The following CYP2C19 variants were observed in gnomAD, a reference collection of about 807,000 sequenced individuals.
CYP2C19 encodes the protein cytochrome P450 family 2 subfamily C member 19, also known as cytochrome P450 2C19.
A neutral mutation model predicts 40.9 loss-of-function variants in CYP2C19; 59 were observed. That is an observed-to-expected ratio of 1.44 (90% CI 1.17 to 1.79). CYP2C19 has a LOEUF of 1.79. Among genes scored for constraint, CYP2C19 ranks in the 40% most tolerant of loss-of-function variants. The pLI is 0.00. For missense variants in CYP2C19, 754 were observed against 596.9 expected, an observed-to-expected ratio of 1.26 and a Z score of -2.74; for synonymous variants, 253 against 208.7, an observed-to-expected ratio of 1.21 and a Z score of -1.83.
At position 94,775,094 on chromosome 10, in the gene CYP2C19, T is replaced by C; in HGVS notation, c.205T>C (p.Phe69Leu). The change falls in exon 2 of 9, where the codon TTT becomes CTT. Residue 69 changes from phenylalanine to leucine, a missense_variant. Phe to Leu is a conservative substitution (Grantham distance 22, BLOSUM62 0). Coordinates refer to ENST00000371321, the MANE Select transcript of CYP2C19 (RefSeq NM_000769.4). ...CTATGGCCCTGTGTTCACTCTGTAT[T>C]TTGGCCTGGAACGCATGGTGGTGCT... ...KIYGPVFTLYFGLERMVVLHG... is the reference protein window; with the variant it reads ...KIYGPVFTLYLGLERMVVLHG... The C allele has an allele frequency of 6.2e-7, 1 of 1,614,122 alleles. No individual in the cohort carries two copies. The highest frequency in any genetic ancestry group is 8.5e-7 in the Non-Finnish European group (1 of 1,180,026).
chr10:94,800,944 A>G (rs1848755678), intron 5 of CYP2C19, among the ~76,000 whole-genome samples: 1 of 152,160 alleles, frequency 6.6e-6, no homozygotes, highest in African/African-American at 2.4e-5. Context: ...CTTCACTAAG[A>G]AAGGGAAATC....
At chr10:94,838,784 G>A (rs1849445457) in intron 6 of CYP2C19, among the ~76,000 whole-genome samples, 1 of 152,040 alleles carries the variant, frequency 6.6e-6, no homozygotes, top group Non-Finnish European at 1.5e-5. Flanking sequence ...AAAGAAAGTT[G>A]TACATATGGC....
At chr10:94,774,322 T>C (rs1263767060) in intron 1 of CYP2C19, 2 of 152,148 alleles carry the variant, frequency 1.3e-5, no homozygotes, top group Non-Finnish European at 2.9e-5. Flanking sequence ...GAATAAGTAA[T>C]GAGTGATTTT....
chr10:94,773,286 C>T lies in CYP2C19; in HGVS notation c.169-1772C>T, dbSNP rs546790581. Among the ~76,000 whole-genome samples, 25 of 152,246 alleles carry T rather than the reference C, an allele frequency of 1.6e-4. 1 individual carries two copies. Among genetic ancestry groups the T allele is most frequent in the South Asian group, 4.1e-4 (2 of 4,826 alleles). On this transcript the variant is annotated intron_variant, in intron 1 of 8. Transcript: ENST00000371321. ...CTCACTGACTTCAAGAATGAAGCTG[C>T]GGACCCACATGGTGAGTGTTACAGT...
intron 5 of CYP2C19, among the ~76,000 whole-genome samples, chr10:94,789,436 T>C (rs997953204): frequency 6.6e-6 from 1 of 152,160 alleles, no homozygotes; most frequent in Non-Finnish European, 1.5e-5. Context: ...ATGTCCTGAA[T>C]GGTATTGCGT....
intron 6 of CYP2C19, among the ~76,000 whole-genome samples, chr10:94,824,610 C>G (rs1849184234): frequency 6.6e-6 from 1 of 152,082 alleles, no homozygotes; most frequent in African/African-American, 2.4e-5. Context: ...TTTTCCAAGA[C>G]AGTAATTTCA....
At chr10:94,836,342 G>A (rs551731877) in intron 6 of CYP2C19, among the ~76,000 whole-genome samples, 161 of 152,316 alleles carry the variant, frequency 1.1e-3, no homozygotes, top group African/African-American at 2.7e-3. Context: ...GGTATGCCAC[G>A]GGTTGCAAGC....
At chr10:94,812,518 A>T (rs1327370719) in intron 5 of CYP2C19, among the ~76,000 whole-genome samples, 2 of 152,048 alleles carry the variant, frequency 1.3e-5, no homozygotes, top group Non-Finnish European at 2.9e-5. Flanking sequence ...CACCAATCAA[A>T]CGTAGATTTG....
chr10:94,816,380 G>A (rs1314724004), intron 5 of CYP2C19, among the ~76,000 whole-genome samples: 2 of 151,502 alleles, frequency 1.3e-5, no homozygotes, highest in Non-Finnish European at 2.9e-5. Context: ...AAACATTTTA[G>A]GAACAGTAGT....
chr10:94,837,318 G>A (rs1188296021), intron 6 of CYP2C19, among the ~76,000 whole-genome samples: 2 of 152,158 alleles, frequency 1.3e-5, no homozygotes, highest in Admixed American at 6.5e-5. Flanking sequence ...GTCTGAGGGG[G>A]TGCTGCCTTT....
At chr10:94,791,889 G>A (rs925634073) in intron 5 of CYP2C19, among the ~76,000 whole-genome samples, 5 of 152,122 alleles carry the variant, frequency 3.3e-5, no homozygotes, top group Admixed American at 3.3e-4. Context: ...GGTCCACTTG[G>A]TGCAGAGCTG....
intron 6 of CYP2C19, among the ~76,000 whole-genome samples, chr10:94,828,514 T>A (rs1015846841): frequency 8.1e-5 from 12 of 148,532 alleles, no homozygotes; most frequent in Non-Finnish European, 1.3e-4. Context: ...TCCATTGGCT[T>A]GGTAGATCTT....
intron 5 of CYP2C19, among the ~76,000 whole-genome samples, chr10:94,809,221 T>C (rs1324352971): frequency 2.0e-5 from 3 of 152,184 alleles, no homozygotes; most frequent in South Asian, 2.1e-4. Context: ...CTGTTTTCCA[T>C]TTGTATGTCT....
chr10:94,838,607 C>T (rs1230193908), intron 6 of CYP2C19, among the ~76,000 whole-genome samples: 1 of 152,046 alleles, frequency 6.6e-6, no homozygotes, highest in African/African-American at 2.4e-5. Context: ...CTCTTTGGTT[C>T]ATTATTTACC....
chr10:94,827,808 T>C (rs1157999946), intron 6 of CYP2C19, among the ~76,000 whole-genome samples: 2 of 152,210 alleles, frequency 1.3e-5, no homozygotes, highest in Non-Finnish European at 2.9e-5. Context: ...TTTAGTGCCA[T>C]AAATTTCCCT....
chr10:94,830,765 T>G (rs1185346447), intron 6 of CYP2C19, among the ~76,000 whole-genome samples: 2 of 152,184 alleles, frequency 1.3e-5, no homozygotes. Flanking sequence ...TTTTTATTTT[T>G]TATATTTATG....
intron 5 of CYP2C19, among the ~76,000 whole-genome samples, chr10:94,805,662 T>C (rs761647804): frequency 1.3e-5 from 2 of 152,146 alleles, no homozygotes. Context: ...GGTGGGCAGA[T>C]TTCATGAGCT....
Position 94,764,202 on chromosome 10 carries a change from G to T in CYP2C19, c.168+1329G>T, listed in dbSNP as rs148954322. 5.5e-3 allele frequency among the ~76,000 whole-genome samples: 831 copies of T among 151,934 alleles called. 10 individuals carry two copies. The highest frequency in any genetic ancestry group is 0.024 in the Middle Eastern group (7 of 294). ...TGGAAGGGGACCCAAGAGGGTTGCC[G>T]CTGCTGGCTCAGGTGGGCAGCTTTT... On this transcript the variant is annotated intron_variant, in intron 1 of 8. Transcript: ENST00000371321.
intron 8 of CYP2C19, among the ~76,000 whole-genome samples, 176 bp downstream of exon 8, chr10:94,850,234 A>T (rs1049172611): frequency 3.3e-5 from 5 of 152,156 alleles, no homozygotes; most frequent in African/African-American, 7.2e-5. Flanking sequence ...ATTCGGCCAG[A>T]TTAGTGGGTT....
Sources: allele counts gnomAD v4.1 joint callset (sites outside exome capture counted in the v4.1 genomes callset), GRCh38; gene constraint gnomAD v4.1.1; transcripts MANE v1.5; gene names NCBI Gene and HGNC (gene_info 2026-07-23, HGNC 2026-07-21).